Variants in AP2B1 observed in about 807,000 individuals in gnomAD.
AP2B1 encodes adaptor related protein complex 2 subunit beta 1.
A neutral mutation model predicts 102.0 loss-of-function variants in AP2B1; 23 were observed. The observed-to-expected ratio is 0.23, with a 90% CI of 0.16 to 0.32. The LOEUF is 0.32. Ranked by LOEUF, AP2B1 falls within the 10% of genes least tolerant of loss-of-function variation. AP2B1 has a pLI of 1.00. For missense variants in AP2B1, 541 were observed against 1,157.4 expected, an observed-to-expected ratio of 0.47 and a Z score of 7.73; for synonymous variants, 381 against 421.2, an observed-to-expected ratio of 0.90 and a Z score of 1.17.
chr17:35,671,413 A>T (rs1470450692), intron 15 of AP2B1, among the ~76,000 whole-genome samples: 1 of 152,204 alleles, frequency 6.6e-6, no homozygotes, highest in Non-Finnish European at 1.5e-5. Flanking sequence ...CCCTCTTTCT[A>T]TAAAAACAAA....
chr17:35,609,705 C>T (rs539297639), intron 5 of AP2B1, among the ~76,000 whole-genome samples: 1 of 152,194 alleles, frequency 6.6e-6, no homozygotes, highest in East Asian at 1.9e-4. Context: ...GAATTCCTGG[C>T]CTCAAGCAAT....
chr17:35,726,377 CT>C lies in AP2B1; in HGVS notation c.*2680del, dbSNP rs766324501. On this transcript the variant is annotated 3_prime_UTR_variant, in exon 22 of 22. Coordinates refer to ENST00000610402, the MANE Select transcript of AP2B1 (RefSeq NM_001030006.2). ...GGGTGGGGGTTGGGGGAAGCTTGACCTTGTGTCTTCGTCAATAAACTCACAT... is the reference window on the plus strand; with the variant it reads ...GGGTGGGGGTTGGGGGAAGCTTGACCTGTGTCTTCGTCAATAAACTCACAT... The C allele has an allele frequency of 6.6e-6, 1 of 152,086 alleles. No individual in the cohort carries two copies. The highest frequency in any genetic ancestry group is 1.5e-5 in the Non-Finnish European group (1 of 68,024). The allele number at this position is 152,086 out of a possible 1,614,324, so 9.4% of individuals were successfully genotyped here.
intron 4 of AP2B1, among the ~76,000 whole-genome samples, chr17:35,607,300 T>C (rs1245138166): frequency 6.6e-6 from 1 of 152,232 alleles, no homozygotes; most frequent in South Asian, 2.1e-4. Context: ...CTATTTAAAA[T>C]GTTTTGAAAA....
chr17:35,627,131 A>G (rs1272485717), intron 7 of AP2B1, among the ~76,000 whole-genome samples: 1 of 151,848 alleles, frequency 6.6e-6, no homozygotes, highest in Non-Finnish European at 1.5e-5. Context: ...GTTTAGAGCC[A>G]GATTGTTGTT....
intron 5 of AP2B1, chr17:35,621,454 C>A (rs917396712): frequency 1.5e-5 from 9 of 600,622 alleles, no homozygotes; most frequent in Non-Finnish European, 1.7e-5. Context: ...GAAGGAACTT[C>A]AAGAAATTTT....
intron 20 of AP2B1, among the ~76,000 whole-genome samples, chr17:35,713,049 ATCC>A (rs1555588345): frequency 6.6e-6 from 1 of 152,146 alleles, no homozygotes; most frequent in East Asian, 1.9e-4. Context: ...AGAAGAAAAA[ATCC>A]TCCTGCTTTT....
intron 16 of AP2B1, 112 bp downstream of exon 16, chr17:35,672,012 G>T: frequency 1.6e-6 from 2 of 1,235,560 alleles, no homozygotes; most frequent in Non-Finnish European, 1.1e-6. Context: ...TTGGGCCCTT[G>T]TTCTGGAGGA....
intron 18 of AP2B1, 112 bp downstream of exon 18, chr17:35,682,936 G>A: frequency 2.8e-6 from 3 of 1,083,918 alleles, no homozygotes; most frequent in South Asian, 1.8e-5. Context: ...GGAGTGTAGT[G>A]GTGCGATCTT....
At chr17:35,694,615 C>T (rs1439614955) in intron 18 of AP2B1, among the ~76,000 whole-genome samples, 1 of 152,026 alleles carries the variant, frequency 6.6e-6, no homozygotes, top group Admixed American at 6.5e-5. Context: ...ATGGCTCACA[C>T]CTGTAATCCC....
intron 1 of AP2B1, among the ~76,000 whole-genome samples, chr17:35,590,431 G>A (rs1217486284): frequency 2.0e-5 from 3 of 152,072 alleles, no homozygotes; most frequent in South Asian, 2.1e-4. Context: ...CAGTTCAGTG[G>A]CATTTAGTAC....
Position 35,627,622 on chromosome 17 carries a change from G to GT in AP2B1, c.1060-6dup, listed in dbSNP as rs767123957. The GT allele has an allele frequency of 2.0e-5, 32 of 1,613,622 alleles. No homozygotes were observed. The South Asian group carries it at 3.3e-4, about 17-fold the overall frequency. ...TCCTTAATGATTAACCACTTCCTGGGTTTAACAGGTTCTGGCAGAACTGAA... is the reference window on the plus strand; with the variant it reads ...TCCTTAATGATTAACCACTTCCTGGGTTTTAACAGGTTCTGGCAGAACTGAA... On this transcript the variant is annotated splice_polypyrimidine_tract_variant and intron_variant, in intron 8 of 21. Coordinates refer to ENST00000610402, the MANE Select transcript of AP2B1 (RefSeq NM_001030006.2).
chr17:35,687,396 A>G (rs968461076), intron 18 of AP2B1, among the ~76,000 whole-genome samples: 7 of 152,146 alleles, frequency 4.6e-5, no homozygotes, highest in African/African-American at 1.7e-4. Flanking sequence ...CTGGGATTAC[A>G]GGTGCGAGCC....
chr17:35,639,599 G>T lies in AP2B1; in HGVS notation c.1276G>T (p.Glu426Ter). 2 of 1,609,900 alleles carry T rather than the reference G, an allele frequency of 1.2e-6. No individual in the cohort carries two copies. Among genetic ancestry groups the T allele is most frequent in the South Asian group, 2.2e-5 (2 of 90,288 alleles). ...DIFRKYPNKY[E>*]SIIATLCENL... ...TAGTTCATTTTTTTTCATCAGGTAT[G>T]AAAGTATCATCGCCACTCTGTGTGA... Residue 426 changes from glutamate to a stop codon, truncating the protein, a stop_gained, in exon 11 of 22, where the codon GAA becomes TAA. Transcript: ENST00000610402. LOFTEE classifies it high-confidence loss of function.
intron 18 of AP2B1, among the ~76,000 whole-genome samples, chr17:35,703,667 T>C (rs1005905291): frequency 4.6e-5 from 7 of 151,986 alleles, no homozygotes; most frequent in Non-Finnish European, 1.0e-4. Flanking sequence ...TAGCACACAC[T>C]GGGGTCTGCT....
At chr17:35,630,575 A>G (rs1475850485) in intron 9 of AP2B1, among the ~76,000 whole-genome samples, 2 of 152,204 alleles carry the variant, frequency 1.3e-5, no homozygotes, top group Non-Finnish European at 2.9e-5. Context: ...AGCTGTAAAC[A>G]GTAATACAAA....
intron 5 of AP2B1, among the ~76,000 whole-genome samples, chr17:35,612,257 C>T (rs768503379): frequency 7.9e-5 from 12 of 152,152 alleles, no homozygotes; most frequent in Admixed American, 7.9e-4. Context: ...CAGGTGCGAA[C>T]TCTGTACCTC....
At chr17:35,705,129 A>C (rs2076315727) in intron 18 of AP2B1, among the ~76,000 whole-genome samples, 1 of 152,232 alleles carries the variant, frequency 6.6e-6, no homozygotes. Flanking sequence ...GTTGAAGTTA[A>C]GGAAATAGGC....
At chr17:35,604,182 A>G (rs964440396) in intron 3 of AP2B1, among the ~76,000 whole-genome samples, 2 of 152,028 alleles carry the variant, frequency 1.3e-5, no homozygotes, top group African/African-American at 4.8e-5. Flanking sequence ...TTCGTGGCTC[A>G]CTGCAGCCTC....
rs764098367 is a variant in AP2B1 at position 35,639,586 on chromosome 17, T to C, written c.1272-9T>C. ...CCCTCAATAACCATAGTTCATTTTT[T>C]TTCATCAGGTATGAAAGTATCATCG... On this transcript the variant is annotated splice_polypyrimidine_tract_variant and intron_variant, in intron 10 of 21. Transcript: ENST00000610402. 4.4e-6 allele frequency: 7 copies of C among 1,599,472 alleles called. No individual in the cohort carries two copies. In the Admixed American group the frequency reaches 7.1e-5, roughly 16 times the overall value.
Sources: gnomAD v4.1 joint callset for allele counts (sites outside exome capture counted in the v4.1 genomes callset) on GRCh38, gnomAD v4.1.1 for gene constraint, MANE v1.5 for transcripts, NCBI Gene and HGNC (gene_info 2026-07-23, HGNC 2026-07-21) for gene names.